RBFOX3: variants seen among roughly 807,000 people sequenced by gnomAD.
The protein encoded by RBFOX3 is RNA binding fox-1 homolog 3, also known as RNA binding protein fox-1 homolog 3.
In RBFOX3, 17 loss-of-function variants were observed where a neutral mutation model predicts 48.7. The ratio of observed to expected loss-of-function variants is 0.35; its 90% confidence interval spans 0.24 to 0.52. The LOEUF is 0.52. Among genes scored for constraint, RBFOX3 ranks in the 20% least tolerant of loss-of-function variants. The pLI is 0.94. For missense variants in RBFOX3, 382 were observed against 497.5 expected, an observed-to-expected ratio of 0.77 and a Z score of 2.21; for synonymous variants, 212 against 209.5, an observed-to-expected ratio of 1.01 and a Z score of -0.10.
intron 1 of RBFOX3, among the ~76,000 whole-genome samples, chr17:79,604,376 G>A (rs948339267): frequency 3.3e-5 from 5 of 152,098 alleles, no homozygotes; most frequent in African/African-American, 7.2e-5. Context: ...GGGACATACC[G>A]GTGTGTGCGG....
At chr17:79,598,669 G>A (rs1007815580) in intron 1 of RBFOX3, 32 of 152,222 alleles carry the variant, frequency 2.1e-4, no homozygotes, top group African/African-American at 7.0e-4. Context: ...GCTCCACGTA[G>A]AGCAACAGAG....
rs1244126478 is a variant in RBFOX3 at position 79,199,664 on chromosome 17, T to TC, written c.-34+36101dup. 1.3e-5 allele frequency among the ~76,000 whole-genome samples: 2 copies of TC among 152,296 alleles called. No individual in the cohort carries two copies. The highest frequency in any genetic ancestry group is 4.8e-5 in the African/African-American group (2 of 41,568). On this transcript the variant is annotated intron_variant, in intron 4 of 14. Transcript: ENST00000693108. The surrounding 1 kb of genome is among the most constrained non-coding windows in gnomAD (Gnocchi z 5.1). Reference sequence around the variant, plus strand: ...AAACTCCAATAAAAGTGAGGCTCAGTCCCTTTGTTGCATGAGCTTCATTTC... The same window carrying TC: ...AAACTCCAATAAAAGTGAGGCTCAGTCCCCTTTGTTGCATGAGCTTCATTTC...
chr17:79,476,922 A>C (rs1451463008), intron 2 of RBFOX3, among the ~76,000 whole-genome samples: 4 of 151,964 alleles, frequency 2.6e-5, no homozygotes, highest in Admixed American at 6.6e-5. Flanking sequence ...AAAGAGGAAA[A>C]GGAGACGGAA....
At chr17:79,446,457 A>G (rs1402458140) in intron 2 of RBFOX3, among the ~76,000 whole-genome samples, 2 of 152,198 alleles carry the variant, frequency 1.3e-5, no homozygotes, top group Non-Finnish European at 2.9e-5. Flanking sequence ...ACTTGACTCC[A>G]GAGGTGAGGC....
intron 2 of RBFOX3, among the ~76,000 whole-genome samples, chr17:79,403,773 GTTCTTT>G (rs1052875793): frequency 2.9e-5 from 4 of 138,408 alleles, no homozygotes; most frequent in African/African-American, 7.8e-5. Flanking sequence ...GCTCCCAGAT[GTTCTTT>G]TTCTTTTTTT....
At chr17:79,455,784 A>C (rs1568281376) in intron 2 of RBFOX3, among the ~76,000 whole-genome samples, 1 of 152,140 alleles carries the variant, frequency 6.6e-6, no homozygotes, top group Non-Finnish European at 1.5e-5. Context: ...CTGCTGTCAC[A>C]CGCACAGCCA....
intron 2 of RBFOX3, among the ~76,000 whole-genome samples, chr17:79,455,686 CACAG>C (rs1274114171): frequency 7.3e-4 from 111 of 152,324 alleles, no homozygotes; most frequent in African/African-American, 2.5e-3. Flanking sequence ...CAATCACATT[CACAG>C]ACACACATGC....
intron 2 of RBFOX3, among the ~76,000 whole-genome samples, chr17:79,388,302 G>A (rs1277788199): frequency 6.6e-6 from 1 of 152,136 alleles, no homozygotes; most frequent in African/African-American, 2.4e-5. Flanking sequence ...AAGGAGTTGG[G>A]CCCTTCCAGG....
intron 1 of RBFOX3, among the ~76,000 whole-genome samples, chr17:79,507,133 G>A (rs946944370): frequency 6.6e-6 from 1 of 152,106 alleles, no homozygotes; most frequent in Non-Finnish European, 1.5e-5. Flanking sequence ...GGGGAGGCTG[G>A]AGACACAGCC....
intron 1 of RBFOX3, among the ~76,000 whole-genome samples, chr17:79,514,089 C>A (rs1309205166): frequency 6.6e-6 from 1 of 152,200 alleles, no homozygotes; most frequent in African/African-American, 2.4e-5. Context: ...TCTGGAGTTG[C>A]TGGGTGGGGA....
intron 2 of RBFOX3, among the ~76,000 whole-genome samples, chr17:79,403,603 C>T (rs574656959): frequency 2.0e-5 from 3 of 152,274 alleles, no homozygotes; most frequent in South Asian, 2.1e-4. Flanking sequence ...GGGAACGTCC[C>T]GGACAGCTTC....
chr17:79,568,181 A>C (rs2092539283), intron 1 of RBFOX3, among the ~76,000 whole-genome samples: 1 of 152,204 alleles, frequency 6.6e-6, no homozygotes, highest in Non-Finnish European at 1.5e-5. Context: ...CAAAGACTTT[A>C]TCTGGTCTTG....
intron 4 of RBFOX3, among the ~76,000 whole-genome samples, chr17:79,225,423 T>C (rs2060203581): frequency 6.6e-6 from 1 of 151,946 alleles, no homozygotes; most frequent in Non-Finnish European, 1.5e-5. Context: ...CCCGCATAGC[T>C]GGGATTACAA....
At chr17:79,145,515 C>A (rs991378234) in intron 4 of RBFOX3, among the ~76,000 whole-genome samples, 3 of 152,222 alleles carry the variant, frequency 2.0e-5, no homozygotes, top group African/African-American at 7.2e-5. Flanking sequence ...ACCTGCTCTC[C>A]GTGTTCTCCG....
At chr17:79,403,866 A>G (rs566314239) in intron 2 of RBFOX3, among the ~76,000 whole-genome samples, 4 of 131,612 alleles carry the variant, frequency 3.0e-5, no homozygotes, top group East Asian at 4.3e-4. Flanking sequence ...TGCAAGCTCC[A>G]CCTCCCGGGT....
In RBFOX3 at chr17:79,443,302, G is replaced by T. The variant is rs555745236; in HGVS notation, c.-175+39152C>A. Among the ~76,000 whole-genome samples, 1 of 152,318 alleles carries T rather than the reference G, an allele frequency of 6.6e-6. No homozygotes were observed. Among genetic ancestry groups the T allele is most frequent in the African/African-American group, 2.4e-5 (1 of 41,560 alleles). ...CCGGCCTCGCCACGGGGGAGACCAG[G>T]CCAAGGCCTTGCCAAACACACACTC... On this transcript the variant is annotated intron_variant, in intron 2 of 14. Coordinates refer to ENST00000693108, the MANE Select transcript of RBFOX3 (RefSeq NM_001350451.2). This position sits in a 1 kb window ranked among gnomAD's most constrained non-coding sequence, Gnocchi z 4.4.
At chr17:79,419,934 T>C (rs1192626744) in intron 2 of RBFOX3, among the ~76,000 whole-genome samples, 1 of 152,052 alleles carries the variant, frequency 6.6e-6, no homozygotes, top group Non-Finnish European at 1.5e-5. Context: ...TGAGACCAGC[T>C]TGGGCAACAC....
chr17:79,337,099 CAGAG>C (rs895038336), intron 2 of RBFOX3, among the ~76,000 whole-genome samples: 16 of 152,252 alleles, frequency 1.1e-4, no homozygotes, highest in African/African-American at 3.6e-4. Flanking sequence ...GCCTGGGCAA[CAGAG>C]AGAGACTCCA....
chr17:79,267,665 A>G (rs1297871055), intron 3 of RBFOX3, among the ~76,000 whole-genome samples: 1 of 152,146 alleles, frequency 6.6e-6, no homozygotes, highest in Non-Finnish European at 1.5e-5. Flanking sequence ...TGCTGGGATT[A>G]CAGGTGTGAG....
Sources: allele counts gnomAD v4.1 joint callset (sites outside exome capture counted in the v4.1 genomes callset), GRCh38; gene constraint gnomAD v4.1.1; non-coding constraint Gnocchi (gnomAD v3.1); transcripts MANE v1.5; gene names NCBI Gene and HGNC (gene_info 2026-07-23, HGNC 2026-07-21).